The following ARHGAP36 variants were observed in gnomAD, a reference collection of about 807,000 sequenced individuals.
ARHGAP36 encodes the protein rho GTPase-activating protein 36.
In ARHGAP36, 7 loss-of-function variants were observed where a neutral mutation model predicts 32.9. The observed-to-expected ratio is 0.21, with a 90% CI of 0.12 to 0.40. The LOEUF is 0.40. Among genes scored for constraint, ARHGAP36 ranks in the 10% least tolerant of loss-of-function variants. ARHGAP36 has a pLI of 1.00. For synonymous variants in ARHGAP36, 165 were observed against 168.3 expected (o/e 0.98, Z 0.15); for missense variants, 383 against 442.2 (o/e 0.87, Z 1.20).
intron 1 of ARHGAP36, among the ~76,000 whole-genome samples, chrX:131,069,712 C>G (rs925418252): frequency 2.7e-5 from 3 of 111,625 alleles, no homozygotes; most frequent in Non-Finnish European, 5.6e-5. Flanking sequence ...TTTGGTGATG[C>G]CATTCACTGG....
At chrX:131,060,944 A>G (rs1295950317) in intron 1 of ARHGAP36, among the ~76,000 whole-genome samples, 2 of 112,034 alleles carry the variant, frequency 1.8e-5, no homozygotes, top group Non-Finnish European at 3.8e-5. Flanking sequence ...GTGGGTAACT[A>G]TTGATATTCT....
At chrX:131,079,556 T>A (rs2079783558) in intron 1 of ARHGAP36, among the ~76,000 whole-genome samples, 1 of 58,613 alleles carries the variant, frequency 1.7e-5, no homozygotes, top group Non-Finnish European at 4.0e-5. Context: ...TTGTTTTTTG[T>A]TTTTTGTTTT....
intron 9 of ARHGAP36, 30 bp from the exon 10 acceptor site, chrX:131,086,299 G>A (rs370178767): frequency 1.7e-6 from 2 of 1,191,504 alleles, no homozygotes; most frequent in African/African-American, 3.5e-5. Context: ...GCTGTGTAAT[G>A]ATGGCTAATG....
Position 131,084,642 on chromosome X carries a change from G to A in ARHGAP36, c.765G>A (p.Gly255=), listed in dbSNP as rs1355353505. 2 of 1,210,329 alleles carry A rather than the reference G, an allele frequency of 1.7e-6. No individual in the cohort carries two copies. Among genetic ancestry groups the A allele is most frequent in the Non-Finnish European group, 2.2e-6 (2 of 895,277 alleles). ...FIEKHGLSAV[G]IFTLEYSVQR... ...TTCTTTCAGGCTTAAGCGCAGTGGG[G>A]ATTTTTACCCTTGAATACTCCGTGC... The change falls in exon 6 of 12, where the codon GGG becomes GGA. Residue 255 remains glycine, a synonymous_variant. Transcript: ENST00000276211.
chrX:131,088,377 G>T (rs769804489), intron 11 of ARHGAP36, among the ~76,000 whole-genome samples: 85 of 111,929 alleles, frequency 7.6e-4, no homozygotes, highest in African/African-American at 2.6e-3. Flanking sequence ...TGAGCGCAGG[G>T]TATCTGTCTT....
intron 1 of ARHGAP36, among the ~76,000 whole-genome samples, chrX:131,063,706 T>C (rs1378632090): frequency 9.3e-6 from 1 of 107,959 alleles, no homozygotes; most frequent in Non-Finnish European, 1.9e-5. Flanking sequence ...CCTGGGATTA[T>C]ATCCACCACC....
Position 131,085,729 on chromosome X carries a change from G to A in ARHGAP36, c.1097G>A (p.Gly366Glu). Residue 366 changes from glycine to glutamate, a missense_variant, in exon 8 of 12, where the codon GGA becomes GAA. Gly to Glu is a moderately conservative substitution (Grantham distance 98). Coordinates refer to ENST00000276211, the MANE Select transcript of ARHGAP36 (RefSeq NM_144967.4). ...TGCGAGGACTCAATTGGCATTGATG[G>A]ACAGTTGGTAAAAAGATCTTGGAAA... is the stretch of plus-strand genomic sequence containing the variant. ...ENCEDSIGIDGQLVPGNRMTS... is the reference protein window; with the variant it reads ...ENCEDSIGIDEQLVPGNRMTS... The A allele has an allele frequency of 8.3e-7, 1 of 1,211,093 alleles. No homozygotes were observed. Among genetic ancestry groups the A allele is most frequent in the Non-Finnish European group, 1.1e-6 (1 of 895,325 alleles).
At chrX:131,081,996 T>A in intron 2 of ARHGAP36, 78 bp downstream of exon 2, 3 of 1,117,643 alleles carry the variant, frequency 2.7e-6, no homozygotes, top group Non-Finnish European at 1.2e-6. Flanking sequence ...GGATTAGGGG[T>A]CTGGCAGGGT....
intron 1 of ARHGAP36, among the ~76,000 whole-genome samples, chrX:131,062,213 G>T (rs180802969): frequency 0.03 from 3,371 of 112,066 alleles, 123 homozygotes; most frequent in African/African-American, 0.1. Flanking sequence ...ATGCATTTTT[G>T]AAAGACTAGA....
At position 131,063,210 on chromosome X, in the gene ARHGAP36, T is replaced by C. The variant is rs1388584020; in HGVS notation, c.-143+4766T>C. Among the ~76,000 whole-genome samples, 28 of 111,754 alleles carry C rather than the reference T, an allele frequency of 2.5e-4. 1 individual carries two copies. The highest frequency in any genetic ancestry group is 3.8e-5 in the Non-Finnish European group (2 of 53,196). On this transcript the variant is annotated intron_variant, in intron 1 of 11. Coordinates refer to ENST00000276211, the MANE Select transcript of ARHGAP36 (RefSeq NM_144967.4). ...TATCAGCAGAAGTAGGTAGATGGCATGTTTGATGAGCCTTGGCAGCTACTG... is the reference window on the plus strand; with the variant it reads ...TATCAGCAGAAGTAGGTAGATGGCACGTTTGATGAGCCTTGGCAGCTACTG...
intron 11 of ARHGAP36, 96 bp downstream of exon 11, chrX:131,086,761 C>A: frequency 2.9e-6 from 2 of 698,069 alleles, no homozygotes; most frequent in Non-Finnish European, 4.4e-6. Context: ...TGAAGATGAG[C>A]CCCTTGAGGA....
intron 1 of ARHGAP36, among the ~76,000 whole-genome samples, chrX:131,072,672 A>G (rs1219982814): frequency 1.8e-5 from 2 of 111,747 alleles, no homozygotes; most frequent in East Asian, 5.6e-4. Context: ...GGTTCAGAGC[A>G]TTCAGAGGGA....
chrX:131,083,422 C>T (rs1276497882), intron 3 of ARHGAP36, among the ~76,000 whole-genome samples, 192 bp downstream of exon 3: 1 of 112,216 alleles, frequency 8.9e-6, no homozygotes, highest in African/African-American at 3.2e-5. Context: ...TCCTCTCAGA[C>T]CTTCCTGGTG....
intron 2 of ARHGAP36, 73 bp downstream of exon 2, chrX:131,081,991 A>T (rs879078326): frequency 8.8e-7 from 1 of 1,137,151 alleles, no homozygotes; most frequent in Non-Finnish European, 1.2e-6. Context: ...GGGGCGGATT[A>T]GGGGTCTGGC....
intron 1 of ARHGAP36, among the ~76,000 whole-genome samples, chrX:131,074,639 CAT>C (rs1394981362): frequency 1.8e-5 from 2 of 111,921 alleles, no homozygotes; most frequent in Non-Finnish European, 3.8e-5. Context: ...GGAAAGGAAA[CAT>C]ATTTAAATTA....
intron 11 of ARHGAP36, among the ~76,000 whole-genome samples, chrX:131,088,334 A>C (rs781057153): frequency 8.9e-6 from 1 of 111,815 alleles, no homozygotes; most frequent in African/African-American, 3.3e-5. Flanking sequence ...TCGCCCTCTT[A>C]CCTGTCTCCC....
At chrX:131,088,398 T>C (rs1432419240) in intron 11 of ARHGAP36, among the ~76,000 whole-genome samples, 1 of 112,233 alleles carries the variant, frequency 8.9e-6, no homozygotes, top group African/African-American at 3.2e-5. Context: ...ACTCTTTCTC[T>C]TTCCTAACTC....
At chrX:131,088,182 A>G (rs1248467126) in intron 11 of ARHGAP36, among the ~76,000 whole-genome samples, 1 of 112,908 alleles carries the variant, frequency 8.9e-6, no homozygotes, top group Non-Finnish European at 1.9e-5. Context: ...ATGGACTACA[A>G]GTCCTCACCA....
At chrX:131,082,156 A>G (rs2079804616) in intron 2 of ARHGAP36, among the ~76,000 whole-genome samples, 1 of 112,147 alleles carries the variant, frequency 8.9e-6, no homozygotes, top group Non-Finnish European at 1.9e-5. Flanking sequence ...GGGGGCAGTA[A>G]GACAGACGGG....
Sources: gnomAD v4.1 joint callset for allele counts (sites outside exome capture counted in the v4.1 genomes callset) on GRCh38, gnomAD v4.1.1 for gene constraint, MANE v1.5 for transcripts, NCBI Gene and HGNC (gene_info 2026-07-23, HGNC 2026-07-21) for gene names.